Variants in BCKDHB observed in about 807,000 individuals in gnomAD.
BCKDHB encodes branched chain keto acid dehydrogenase E1 subunit beta, also known as 2-oxoisovalerate dehydrogenase subunit beta, mitochondrial.
BCKDHB carries 41 observed loss-of-function variants against 48.5 expected under a neutral mutation model. The observed-to-expected ratio is 0.85, with a 90% CI of 0.66 to 1.10. The LOEUF (loss-of-function observed/expected upper bound fraction) is 1.10, where lower values mean the gene tolerates loss of function less well. Among genes scored for constraint, BCKDHB ranks in the 50% least tolerant of loss-of-function variants. The probability of loss-of-function intolerance (pLI) is 0.00; values close to 1 mark genes in which losing one functional copy is unlikely to be tolerated. For synonymous variants in BCKDHB, 201 were observed against 174.8 expected (o/e 1.15, Z -1.18); for missense variants, 496 against 494.2 (o/e 1.00, Z -0.03).
chr6:80,206,084 A>C (rs1194121199), intron 8 of BCKDHB, among the ~76,000 whole-genome samples: 1 of 152,026 alleles, frequency 6.6e-6, no homozygotes, highest in Non-Finnish European at 1.5e-5. Context: ...TGAATGGTGA[A>C]AGGTAAGTAG....
intron 8 of BCKDHB, among the ~76,000 whole-genome samples, chr6:80,213,658 G>GT (rs1321258948): frequency 0.011 from 1,428 of 132,752 alleles, 24 homozygotes; most frequent in African/African-American, 0.045. Flanking sequence ...CTTGGGAAGT[G>GT]TTTTTTTTTG....
intron 8 of BCKDHB, among the ~76,000 whole-genome samples, chr6:80,210,233 A>T (rs1277158284): frequency 6.9e-6 from 1 of 144,246 alleles, no homozygotes; most frequent in Non-Finnish European, 1.5e-5. Flanking sequence ...TAGAGAATGG[A>T]TCAATAATAA....
chr6:80,159,313 A>T lies in BCKDHB; in HGVS notation c.344-8365A>T, dbSNP rs145121526. Among the ~76,000 whole-genome samples the T allele has an allele frequency of 1.6e-3, 241 of 152,244 alleles. 1 individual carries two copies. The highest frequency in any genetic ancestry group is 5.6e-3 in the African/African-American group (232 of 41,522). On this transcript the variant is annotated intron_variant, in intron 3 of 9. Transcript: ENST00000320393. ...AAAAAAACCCAAAAAAACAACAAAA[A>T]AACTATCTTCTCAACTAGTACAGAG...
At chr6:80,268,802 T>G (rs1279106978) in intron 8 of BCKDHB, among the ~76,000 whole-genome samples, 2 of 152,162 alleles carry the variant, frequency 1.3e-5, no homozygotes, top group African/African-American at 2.4e-5. Flanking sequence ...ATATGTCTAA[T>G]GTTTGGGCAG....
At chr6:80,403,973 GT>G in the BCKDHB span, among the ~76,000 whole-genome samples, 2 of 151,914 alleles carry the variant, frequency 1.3e-5, no homozygotes, top group African/African-American at 2.4e-5. Flanking sequence ...ACTGAATTTG[GT>G]TTGTCAGTGG....
intron 8 of BCKDHB, among the ~76,000 whole-genome samples, chr6:80,232,627 T>C (rs1240459131): frequency 6.7e-6 from 1 of 149,654 alleles, no homozygotes; most frequent in African/African-American, 2.4e-5. Flanking sequence ...ATTCTCCTTA[T>C]GGTATGGTTA....
At chr6:80,398,259 A>AC in the BCKDHB span, among the ~76,000 whole-genome samples, 2 of 32 alleles carry the variant, frequency 0.062, no homozygotes, top group Admixed American at 0.25. Flanking sequence ...ATTGAGAAAC[A>AC]AAAATCACAC....
chr6:80,290,720 A>C (rs960959393), intron 9 of BCKDHB, among the ~76,000 whole-genome samples: 1 of 152,232 alleles, frequency 6.6e-6, no homozygotes, highest in African/African-American at 2.4e-5. Context: ...TGAGTCCATA[A>C]ATTGAAAAAG....
chr6:80,201,918 A>G (rs997798938), intron 7 of BCKDHB, among the ~76,000 whole-genome samples: 2 of 151,716 alleles, frequency 1.3e-5, no homozygotes, highest in South Asian at 4.2e-4. Flanking sequence ...ACAAGCTCCT[A>G]CTCTCCTTTC....
intron 9 of BCKDHB, among the ~76,000 whole-genome samples, chr6:80,326,810 G>A (rs1769052299): frequency 6.6e-6 from 1 of 152,048 alleles, no homozygotes; most frequent in Non-Finnish European, 1.5e-5. Flanking sequence ...AAGTTGCTGT[G>A]AGCTGAGATC....
chr6:80,426,161 T>G, the BCKDHB span, among the ~76,000 whole-genome samples: 1 of 152,186 alleles, frequency 6.6e-6, no homozygotes, highest in African/African-American at 2.4e-5. Context: ...GTAAGAATGT[T>G]GTCTCCCTAT....
intron 9 of BCKDHB, among the ~76,000 whole-genome samples, chr6:80,322,814 G>C (rs1273133450): frequency 6.6e-6 from 1 of 150,998 alleles, no homozygotes; most frequent in Non-Finnish European, 1.5e-5. Flanking sequence ...ACTAACTCTT[G>C]CATTCTGTTC....
intron 8 of BCKDHB, among the ~76,000 whole-genome samples, chr6:80,264,543 C>G (rs1472733877): frequency 6.6e-6 from 1 of 151,982 alleles, no homozygotes; most frequent in African/African-American, 2.4e-5. Flanking sequence ...TAAGTTTTCT[C>G]TAAGATTCTG....
At chr6:80,407,392 A>G in the BCKDHB span, among the ~76,000 whole-genome samples, 1 of 152,138 alleles carries the variant, frequency 6.6e-6, no homozygotes, top group African/African-American at 2.4e-5. Context: ...AATTCTGTGA[A>G]GAAAGTCATT....
intron 9 of BCKDHB, among the ~76,000 whole-genome samples, chr6:80,337,838 C>T (rs1769675216): frequency 6.6e-6 from 1 of 152,092 alleles, no homozygotes; most frequent in Admixed American, 6.5e-5. Flanking sequence ...ATCAGATAAT[C>T]CTACAGGAAA....
At chr6:80,215,255 C>G (rs556917851) in intron 8 of BCKDHB, among the ~76,000 whole-genome samples, 5 of 152,294 alleles carry the variant, frequency 3.3e-5, no homozygotes, top group Admixed American at 6.5e-5. Flanking sequence ...TTCTCTGTTC[C>G]AAAACAGGAT....
intron 6 of BCKDHB, among the ~76,000 whole-genome samples, chr6:80,177,952 T>G (rs1204499326): frequency 3.3e-5 from 5 of 152,224 alleles, no homozygotes; most frequent in Admixed American, 1.3e-4. Flanking sequence ...AGGCTTTTGC[T>G]TATGGTTGCT....
intron 8 of BCKDHB, among the ~76,000 whole-genome samples, chr6:80,233,754 C>T (rs640568): frequency 0.87 from 132,433 of 152,210 alleles, 57,885 homozygotes; most frequent in East Asian, 0.99. Context: ...CGATCATCTA[C>T]ATACATCAGG....
At chr6:80,154,604 T>G (rs1771949010) in intron 3 of BCKDHB, among the ~76,000 whole-genome samples, 1 of 152,200 alleles carries the variant, frequency 6.6e-6, no homozygotes, top group South Asian at 2.1e-4. Flanking sequence ...ATTGAATTTC[T>G]TGGCAAACAA....
Sources: allele counts gnomAD v4.1 joint callset (sites outside exome capture counted in the v4.1 genomes callset), GRCh38; gene constraint gnomAD v4.1.1; transcripts MANE v1.5; gene names NCBI Gene and HGNC (gene_info 2026-07-23, HGNC 2026-07-21).